IGF1R: variants seen among roughly 807,000 people sequenced by gnomAD.
IGF1R encodes insulin like growth factor 1 receptor.
A neutral mutation model predicts 144.6 loss-of-function variants in IGF1R; 44 were observed. The observed-to-expected ratio is 0.30, with a 90% CI of 0.24 to 0.39. The LOEUF (loss-of-function observed/expected upper bound fraction) is 0.39, where lower values mean the gene tolerates loss of function less well. Ranked by LOEUF, IGF1R falls within the 10% of genes least tolerant of loss-of-function variation. IGF1R has a pLI of 1.00. For synonymous variants in IGF1R, 795 were observed against 722.8 expected (o/e 1.10, Z -1.60); for missense variants, 1,355 against 1,833.7 (o/e 0.74, Z 4.77).
chr15:98,659,310 C>G (rs1485239987), intron 1 of IGF1R, among the ~76,000 whole-genome samples: 1 of 152,054 alleles, frequency 6.6e-6, no homozygotes, highest in Non-Finnish European at 1.5e-5. Flanking sequence ...GTTTATTACA[C>G]TTTCTCCCTT....
intron 2 of IGF1R, among the ~76,000 whole-genome samples, chr15:98,851,480 C>T (rs1440149080): frequency 1.3e-5 from 2 of 152,162 alleles, no homozygotes; most frequent in Non-Finnish European, 2.9e-5. Flanking sequence ...CCAGCCTCCC[C>T]CTCCCCGTGG....
At chr15:98,661,956 CTTTTTT>C (rs869208651) in intron 1 of IGF1R, among the ~76,000 whole-genome samples, 11,187 of 104,802 alleles carry the variant, frequency 0.11, 834 homozygotes, top group African/African-American at 0.28. Context: ...GAATAGGGCC[CTTTTTT>C]TTTTTTTTTT....
intron 1 of IGF1R, among the ~76,000 whole-genome samples, chr15:98,675,811 TTTC>T (rs2053022576): frequency 5.5e-5 from 1 of 18,320 alleles, no homozygotes; most frequent in Non-Finnish European, 4.2e-4. Context: ...TTTTCTTTTT[TTTC>T]TTTCTTTCTT....
At chr15:98,768,849 G>A (rs1475805188) in intron 2 of IGF1R, among the ~76,000 whole-genome samples, 1 of 150,622 alleles carries the variant, frequency 6.6e-6, no homozygotes, top group Non-Finnish European at 1.5e-5. Context: ...AATGGCGTGA[G>A]CCCAGGAGGC....
chr15:98,885,964 G>A (rs767262899), intron 2 of IGF1R, among the ~76,000 whole-genome samples: 7 of 152,068 alleles, frequency 4.6e-5, no homozygotes, highest in Non-Finnish European at 5.9e-5. Flanking sequence ...TCACAGGCAC[G>A]TGCCACCACA....
chr15:98,932,227 T>A (rs2151704828), intron 15 of IGF1R, among the ~76,000 whole-genome samples: 1 of 152,328 alleles, frequency 6.6e-6, no homozygotes, highest in South Asian at 2.1e-4. Context: ...GGTCGACAGG[T>A]GGGAACAGTG....
chr15:98,761,096 G>T (rs146626655), intron 2 of IGF1R, among the ~76,000 whole-genome samples: 13 of 152,372 alleles, frequency 8.5e-5, no homozygotes, highest in Admixed American at 2.0e-4. Context: ...CAGGTGACCT[G>T]CCTGTCCTAC....
chr15:98,740,010 T>G (rs1260488528), intron 2 of IGF1R, among the ~76,000 whole-genome samples: 3 of 152,198 alleles, frequency 2.0e-5, no homozygotes, highest in Non-Finnish European at 4.4e-5. Context: ...GGGCAAGATT[T>G]CACCATTCTG....
intron 2 of IGF1R, among the ~76,000 whole-genome samples, chr15:98,727,359 T>C (rs532231193): frequency 1.3e-5 from 2 of 152,180 alleles, no homozygotes; most frequent in Non-Finnish European, 2.9e-5. Context: ...TGGAAAGTGA[T>C]TGGGCCAGTG....
At chr15:98,692,434 T>C (rs974173556) in intron 1 of IGF1R, among the ~76,000 whole-genome samples, 1 of 152,186 alleles carries the variant, frequency 6.6e-6, no homozygotes, top group African/African-American at 2.4e-5. Flanking sequence ...CCTTGAACTC[T>C]TGGGCTCAAG....
chr15:98,681,006 T>C (rs1356901684), intron 1 of IGF1R, among the ~76,000 whole-genome samples: 1 of 152,170 alleles, frequency 6.6e-6, no homozygotes, highest in Non-Finnish European at 1.5e-5. Context: ...GTTTGCAGGT[T>C]GGTAGCCTAG....
At chr15:98,907,891 C>A (rs1375922741) in intron 5 of IGF1R, among the ~76,000 whole-genome samples, 4 of 152,228 alleles carry the variant, frequency 2.6e-5, no homozygotes, top group Admixed American at 6.5e-5. Context: ...CACGTGTGGT[C>A]CAGGGACCAC....
chr15:98,704,057 C>CT lies in IGF1R; in HGVS notation c.95-3505_95-3504insT, dbSNP rs1309139340. On this transcript the variant is annotated intron_variant, in intron 1 of 20. Transcript: ENST00000650285. The surrounding 1 kb of genome is among the most constrained non-coding windows in gnomAD (Gnocchi z 4.9). ...ACACGACACACAGTTAATTTAGTGT[C>CT]CCCAGGGGAAAAAAGACCCTCCCGG... Among the ~76,000 whole-genome samples, 3 of 22,896 alleles carry CT rather than the reference C, an allele frequency of 1.3e-4. No individual in the cohort carries two copies. The highest frequency in any genetic ancestry group is 3.5e-4 in the African/African-American group (3 of 8,668). The allele number at this position is 22,896 out of a possible 152,430, so 15.0% of individuals were successfully genotyped here. A position where few individuals can be genotyped will look rare whatever the true frequency, so the allele number is the denominator to read the frequency against.
chr15:98,650,462 A>G (rs377735675), intron 1 of IGF1R, among the ~76,000 whole-genome samples: 18 of 152,296 alleles, frequency 1.2e-4, no homozygotes, highest in Middle Eastern at 3.4e-3. Flanking sequence ...GGGGAGCGCC[A>G]CTGGGTCCCC....
intron 2 of IGF1R, among the ~76,000 whole-genome samples, chr15:98,782,671 T>A (rs959208876): frequency 5.9e-5 from 9 of 152,228 alleles, no homozygotes; most frequent in Non-Finnish European, 1.2e-4. Flanking sequence ...GTCATTTAGT[T>A]GTTTCCAGTT....
intron 1 of IGF1R, chr15:98,660,382 A>G (rs1023795656): frequency 6.6e-6 from 1 of 152,196 alleles, no homozygotes; most frequent in Admixed American, 6.5e-5. Context: ...GTCTCTTGCT[A>G]TACCTCCTAT....
chr15:98,699,490 T>C (rs2053674164), intron 1 of IGF1R, among the ~76,000 whole-genome samples: 1 of 152,192 alleles, frequency 6.6e-6, no homozygotes, highest in African/African-American at 2.4e-5. Context: ...GAAAGGCATT[T>C]GGAGTAACTG....
chr15:98,806,508 C>A (rs1214336695), intron 2 of IGF1R, among the ~76,000 whole-genome samples: 1 of 151,668 alleles, frequency 6.6e-6, no homozygotes, highest in African/African-American at 2.4e-5. Context: ...AAACAAAAAA[C>A]TGTTGAATAG....
intron 5 of IGF1R, among the ~76,000 whole-genome samples, chr15:98,902,538 C>T (rs937765114): frequency 1.3e-5 from 2 of 151,692 alleles, no homozygotes; most frequent in African/African-American, 4.9e-5. Context: ...CTGCCTCAGC[C>T]TCCTGAATAG....
Sources: allele counts gnomAD v4.1 joint callset (sites outside exome capture counted in the v4.1 genomes callset), GRCh38; gene constraint gnomAD v4.1.1; non-coding constraint Gnocchi (gnomAD v3.1); transcripts MANE v1.5; gene names NCBI Gene and HGNC (gene_info 2026-07-23, HGNC 2026-07-21).